Variants in MAST2 observed in about 807,000 individuals in gnomAD.
MAST2 encodes the protein microtubule associated serine/threonine kinase 2, also known as microtubule-associated serine/threonine-protein kinase 2.
In MAST2, 70 loss-of-function variants were observed where a neutral mutation model predicts 147.4. The observed-to-expected ratio is 0.47, with a 90% CI of 0.39 to 0.58. The LOEUF (loss-of-function observed/expected upper bound fraction) is 0.58. Among genes scored for constraint, MAST2 ranks in the 20% least tolerant of loss-of-function variants. MAST2 has a pLI of 0.00. For missense variants in MAST2, 2,080 were observed against 2,302.3 expected, an observed-to-expected ratio of 0.90 and a Z score of 1.98; for synonymous variants, 869 against 896.8, an observed-to-expected ratio of 0.97 and a Z score of 0.55.
chr1:45,809,737 C>T (rs1272876687), intron 1 of MAST2, among the ~76,000 whole-genome samples: 2 of 152,188 alleles, frequency 1.3e-5, no homozygotes, highest in Non-Finnish European at 2.9e-5. Context: ...CTAGGAGGAT[C>T]CTTAATTGGG....
Position 45,889,718 on chromosome 1 carries a change from G to A in MAST2, c.500+7323G>A, listed in dbSNP as rs563046090. 3.3e-5 allele frequency among the ~76,000 whole-genome samples: 5 copies of A among 150,856 alleles called. No individual in the cohort carries two copies. The East Asian group carries it at 9.9e-4, about 30-fold the overall frequency. On this transcript the variant is annotated intron_variant, in intron 4 of 28. Coordinates refer to ENST00000361297, the MANE Select transcript of MAST2 (RefSeq NM_015112.3). ...CCTCCTGGGTTCAAGCAATTCTCTTGTCTCAGCCTCCTGAGTAGCTGGGAC... is the reference window on the plus strand; with the variant it reads ...CCTCCTGGGTTCAAGCAATTCTCTTATCTCAGCCTCCTGAGTAGCTGGGAC...
intron 4 of MAST2, among the ~76,000 whole-genome samples, chr1:45,927,695 A>C (rs1477254332): frequency 1.3e-5 from 2 of 152,198 alleles, no homozygotes; most frequent in Admixed American, 1.3e-4. Context: ...TGTGCAGTTA[A>C]CACAGTTATC....
At chr1:45,949,604 T>G (rs886714818) in intron 4 of MAST2, among the ~76,000 whole-genome samples, 4 of 152,156 alleles carry the variant, frequency 2.6e-5, no homozygotes, top group Admixed American at 1.3e-4. Flanking sequence ...AAGGGAACAC[T>G]TACACACTGT....
chr1:46,016,595 A>T (rs938115911), intron 10 of MAST2, among the ~76,000 whole-genome samples: 1 of 152,190 alleles, frequency 6.6e-6, no homozygotes, highest in African/African-American at 2.4e-5. Context: ...AAAGAGAATA[A>T]AATACCTAGG....
chr1:45,942,203 T>C (rs1378295237), intron 4 of MAST2, among the ~76,000 whole-genome samples: 1 of 152,078 alleles, frequency 6.6e-6, no homozygotes, highest in African/African-American at 2.4e-5. Flanking sequence ...AACATGTATG[T>C]TTATAAAGGA....
intron 4 of MAST2, among the ~76,000 whole-genome samples, chr1:45,924,752 G>A (rs76198897): frequency 0.045 from 6,887 of 152,158 alleles, 499 homozygotes; most frequent in African/African-American, 0.15. Context: ...ATCTTTAAAG[G>A]GGCAATTAAG....
At chr1:45,848,528 T>C (rs1360449495) in intron 3 of MAST2, among the ~76,000 whole-genome samples, 1 of 152,206 alleles carries the variant, frequency 6.6e-6, no homozygotes, top group Admixed American at 6.5e-5. Flanking sequence ...AAGTGTGTCT[T>C]ATGTGACTTC....
chr1:45,848,266 A>C (rs539205435), intron 3 of MAST2, among the ~76,000 whole-genome samples: 1 of 152,336 alleles, frequency 6.6e-6, no homozygotes, highest in African/African-American at 2.4e-5. Context: ...GGTATCTGGA[A>C]ACTTGAATGG....
In MAST2 at chr1:46,022,910, A is replaced by G; in HGVS notation, c.1424A>G (p.Glu475Gly). 6.2e-7 allele frequency: 1 copy of G among 1,613,892 alleles called. No homozygotes were observed. The highest frequency in any genetic ancestry group is 8.5e-7 in the Non-Finnish European group (1 of 1,179,744). ...TCTTCTCTTGTATCTTTGTTTCCAG[A>G]AATGGCCCAGTTGAGCAGCTGTGAC... ...QLGLTRDPLE[E>G]MAQLSSCDSP... The change falls in exon 13 of 29, where the codon GAA (glutamate) becomes GGA (glycine). Residue 475 changes from glutamate to glycine, a missense_variant and splice_region_variant. By Grantham distance (98) the Glu-to-Gly change is moderately conservative (BLOSUM62 -2). Transcript: ENST00000361297.
intron 4 of MAST2, among the ~76,000 whole-genome samples, chr1:45,891,260 G>A (rs970844951): frequency 1.4e-4 from 22 of 152,260 alleles, no homozygotes; most frequent in African/African-American, 5.1e-4. Context: ...GGGAGGCTGA[G>A]GCAGGAAGAT....
At chr1:46,000,375 G>T (rs1185924699) in intron 6 of MAST2, among the ~76,000 whole-genome samples, 4 of 152,146 alleles carry the variant, frequency 2.6e-5, no homozygotes, top group Admixed American at 1.3e-4. Flanking sequence ...CCACTGGGTG[G>T]CTATGTAAAG....
chr1:45,853,418 G>A (rs948691303), intron 3 of MAST2, among the ~76,000 whole-genome samples: 5 of 151,576 alleles, frequency 3.3e-5, no homozygotes, highest in Admixed American at 3.3e-4. Context: ...GCAGTGGCTC[G>A]ATCTCGGCTC....
intron 3 of MAST2, among the ~76,000 whole-genome samples, chr1:45,856,100 T>A (rs1198101058): frequency 6.6e-6 from 1 of 152,196 alleles, no homozygotes; most frequent in Non-Finnish European, 1.5e-5. Flanking sequence ...TTTGCCTCCC[T>A]TGAGTGTGAG....
chr1:45,825,179 C>T (rs951328585), intron 2 of MAST2, among the ~76,000 whole-genome samples: 28 of 152,082 alleles, frequency 1.8e-4, no homozygotes, highest in African/African-American at 6.5e-4. Context: ...GCATCCGCCA[C>T]CATGCCTGTC....
intron 5 of MAST2, among the ~76,000 whole-genome samples, chr1:45,994,610 A>G (rs1200213100): frequency 1.3e-5 from 2 of 151,828 alleles, no homozygotes; most frequent in Non-Finnish European, 2.9e-5. Context: ...CAACCCTCCA[A>G]TTACATGGTT....
intron 4 of MAST2, among the ~76,000 whole-genome samples, chr1:45,890,249 TTGTC>T (rs1466787910): frequency 6.6e-6 from 1 of 152,248 alleles, no homozygotes; most frequent in African/African-American, 2.4e-5. Context: ...AAAGAACTAT[TTGTC>T]TGCCTTTTCC....
intron 1 of MAST2, among the ~76,000 whole-genome samples, chr1:45,821,885 CTT>C (rs71587723): frequency 3.0e-5 from 3 of 100,844 alleles, no homozygotes; most frequent in Non-Finnish European, 1.9e-5. Flanking sequence ...TCACCTTCAC[CTT>C]TTTTTTTTTT....
At chr1:46,029,052 A>T in intron 18 of MAST2, 119 bp downstream of exon 18, 1 of 1,150,648 alleles carries the variant, frequency 8.7e-7, no homozygotes, top group Non-Finnish European at 1.2e-6. Context: ...TGTGTTTGTG[A>T]TGTCTGCTGC....
intron 15 of MAST2, 37 bp downstream of exon 15, chr1:46,024,017 G>T: frequency 6.3e-7 from 1 of 1,592,050 alleles, no homozygotes; most frequent in South Asian, 1.1e-5. Context: ...GGAGGCCAAG[G>T]CACAGTCTGA....
Sources: gnomAD v4.1 joint callset for allele counts (sites outside exome capture counted in the v4.1 genomes callset) on GRCh38, gnomAD v4.1.1 for gene constraint, MANE v1.5 for transcripts, NCBI Gene and HGNC (gene_info 2026-07-23, HGNC 2026-07-21) for gene names.